Variants in TMEM64 observed in about 807,000 individuals in gnomAD.
TMEM64 encodes transmembrane protein 64.
A neutral mutation model predicts 24.5 loss-of-function variants in TMEM64; 19 were observed. That is an observed-to-expected ratio of 0.78 (90% CI 0.54 to 1.14). The LOEUF is 1.14. Ranked by LOEUF, TMEM64 falls within the 50% of genes most tolerant of loss-of-function variation. The pLI is 0.00. For synonymous variants in TMEM64, 262 were observed against 224.7 expected (o/e 1.17, Z -1.49); for missense variants, 487 against 493.0 (o/e 0.99, Z 0.12).
At chr8:90,636,429 T>C (rs1809519168) in intron 1 of TMEM64, among the ~76,000 whole-genome samples, 1 of 152,166 alleles carries the variant, frequency 6.6e-6, no homozygotes, top group East Asian at 1.9e-4. Flanking sequence ...CTAATTTTTG[T>C]ATTTTTAGTA....
chr8:90,630,916 C>G (rs951968043), intron 2 of TMEM64, among the ~76,000 whole-genome samples: 3 of 152,118 alleles, frequency 2.0e-5, no homozygotes, highest in Non-Finnish European at 4.4e-5. Flanking sequence ...AAGAAATTTG[C>G]CTATGTGGCA....
Position 90,625,346 on chromosome 8 carries a change from A to C in TMEM64, c.*325T>G, listed in dbSNP as rs1809340744. ...ATACAAACTACTCATGGGCTTTATA[A>C]ATAAAGACACTAAGCAGAAATAATA... On this transcript the variant is annotated 3_prime_UTR_variant, in exon 3 of 3. Coordinates refer to ENST00000458549, the MANE Select transcript of TMEM64 (RefSeq NM_001008495.4). 5.3e-6 allele frequency: 1 copy of C among 187,038 alleles called. No homozygotes were observed. Among genetic ancestry groups the C allele is most frequent in the Non-Finnish European group, 1.1e-5 (1 of 90,582 alleles). The allele number at this position is 187,038 out of a possible 1,614,324, so 11.6% of individuals were successfully genotyped here.
chr8:90,623,270 T>G lies in TMEM64; in HGVS notation c.*2401A>C, dbSNP rs866736306. ...AGTGGAGACATTTTATAAGTACATA[T>G]GACTGACAGCAATATTTGGACAACA... On this transcript the variant is annotated 3_prime_UTR_variant, in exon 3 of 3. Coordinates refer to ENST00000458549, the MANE Select transcript of TMEM64 (RefSeq NM_001008495.4). 1 of 152,180 alleles carries G rather than the reference T, an allele frequency of 6.6e-6. No individual in the cohort carries two copies. Among genetic ancestry groups the G allele is most frequent in the Admixed American group, 6.6e-5 (1 of 15,266 alleles). The allele number at this position is 152,180 out of a possible 1,614,324, so 9.4% of individuals were successfully genotyped here.
At chr8:90,633,027 G>A (rs752430390) in intron 1 of TMEM64, among the ~76,000 whole-genome samples, 3 of 152,108 alleles carry the variant, frequency 2.0e-5, no homozygotes, top group Non-Finnish European at 2.9e-5. Context: ...TAACCTCTGT[G>A]GTAGGCAACA....
chr8:90,633,789 T>C (rs1223456802), intron 1 of TMEM64, among the ~76,000 whole-genome samples: 2 of 152,216 alleles, frequency 1.3e-5, no homozygotes, highest in Non-Finnish European at 2.9e-5. Context: ...ACATATGTTT[T>C]TTATTCACAT....
Position 90,625,673 on chromosome 8 carries a change from A to G in TMEM64, c.1141T>C (p.Ter381ArgextTer2). 1 of 1,613,270 alleles carries G rather than the reference A, an allele frequency of 6.2e-7. No homozygotes were observed. The highest frequency in any genetic ancestry group is 8.5e-7 in the Non-Finnish European group (1 of 1,179,468). The change falls in exon 3 of 3, where the codon TGA becomes CGA. Residue 381 changes from the stop codon to arginine (R), a stop_lost. Coordinates refer to ENST00000458549, the MANE Select transcript of TMEM64 (RefSeq NM_001008495.4). ...GACAATCACGTATCTCATTAGAATC[A>G]TACAACATTGATTCCACCTCCAGAA... is the stretch of plus-strand genomic sequence containing the variant. ...TFSGGGINVV[*>R]
In TMEM64 at chr8:90,645,625, C is replaced by A; in HGVS notation, c.281G>T (p.Ser94Ile). ...GCCGACCACCACGCCGCCGCCGCCA[C>A]TCCCGGGGCCGCCCGCCAAGGCCCC... Reference protein sequence around the residue: ...PGGALAGGPGSGGGGVVVGVA... With the variant: ...PGGALAGGPGIGGGGVVVGVA... The change falls in exon 1 of 3, where the codon AGT (serine) becomes ATT (isoleucine). Residue 94 changes from serine (S) to isoleucine (I), a missense_variant. By Grantham distance (142) the Ser-to-Ile change is moderately radical. Around this residue, in one of 3 missense-constraint regions of TMEM64, gnomAD observed 419 missense variants for 407.5 expected, o/e 1.03. Transcript: ENST00000458549. The surrounding 1 kb of genome is among the most constrained non-coding windows in gnomAD (Gnocchi z 4.2). 3.9e-6 allele frequency: 6 copies of A among 1,534,486 alleles called. No homozygotes were observed. The highest frequency in any genetic ancestry group is 5.2e-6 in the Non-Finnish European group (6 of 1,145,084).
Position 90,645,498 on chromosome 8 carries a change from G to A in TMEM64, c.408C>T (p.Ser136=), listed in dbSNP as rs1437929192. 1 of 1,550,894 alleles carries A rather than the reference G, an allele frequency of 6.4e-7. No individual in the cohort carries two copies. The highest frequency in any genetic ancestry group is 8.7e-7 in the Non-Finnish European group (1 of 1,146,974). Residue 136 remains serine (S), a synonymous_variant, in exon 1 of 3, where the codon TCC becomes TCT. Transcript: ENST00000458549. The surrounding 1 kb of genome is among the most constrained non-coding windows in gnomAD (Gnocchi z 4.2). The part of the protein sequence containing the change: ...VCVLAALCFA[S]LALVRRYLHH... ...GAAGGTAGCGGCGGACCAGGGCCAG[G>A]GAAGCGAAGCACAGGGCGGCCAACA...
At chr8:90,636,982 C>T (rs534584345) in intron 1 of TMEM64, among the ~76,000 whole-genome samples, 1 of 152,128 alleles carries the variant, frequency 6.6e-6, no homozygotes, top group Admixed American at 6.5e-5. Context: ...ATTATATATC[C>T]TCTTATTCCC....
chr8:90,623,112 A>G lies in TMEM64; in HGVS notation c.*2559T>C, dbSNP rs957090102. On this transcript the variant is annotated 3_prime_UTR_variant, in exon 3 of 3. Transcript: ENST00000458549. The stretch of plus-strand genomic sequence containing the variant: ...ACATGTAAAACTTAAGAAAACTCCC[A>G]AAGAATTAAAAAAGAACACATATTT... 6 of 152,180 alleles carry G rather than the reference A, an allele frequency of 3.9e-5. No homozygotes were observed. The highest frequency in any genetic ancestry group is 1.2e-4 in the African/African-American group (5 of 41,448). The allele number at this position is 152,180 out of a possible 1,614,324, so 9.4% of individuals were successfully genotyped here. A position where few individuals can be genotyped will look rare whatever the true frequency, so the allele number is the denominator to read the frequency against.
chr8:90,645,826 A>C lies in TMEM64; in HGVS notation c.80T>G (p.Leu27Arg). Residue 27 changes from leucine to arginine, a missense_variant, in exon 1 of 3, where the codon CTG (leucine) becomes CGG (arginine). Leu to Arg is a moderately radical substitution (Grantham distance 102). Transcript: ENST00000458549. This position sits in a 1 kb window ranked among gnomAD's most constrained non-coding sequence, Gnocchi z 4.2. ...QHAALPGLAE[L>R]PARWALPRGA... ...CCGCGGCAGGGCCCAGCGGGCCGGC[A>C]GCTCGGCGAGGCCCGGGAGGGCGGC... 1 of 1,070,652 alleles carries C rather than the reference A, an allele frequency of 9.3e-7. No homozygotes were observed. The highest frequency in any genetic ancestry group is 1.1e-6 in the Non-Finnish European group (1 of 886,006). 66.3% of individuals were successfully genotyped at this position (1,070,652 alleles called of 1,614,324 possible). A position where few individuals can be genotyped will look rare whatever the true frequency, so the allele number is the denominator to read the frequency against.
In TMEM64 at chr8:90,623,393, G is replaced by A. The variant is rs1273792548; in HGVS notation, c.*2278C>T. 2 of 152,336 alleles carry A rather than the reference G, an allele frequency of 1.3e-5. No individual in the cohort carries two copies. The highest frequency in any genetic ancestry group is 2.9e-5 in the Non-Finnish European group (2 of 67,988). 9.4% of individuals were successfully genotyped at this position (152,336 alleles called of 1,614,324 possible). A position where few individuals can be genotyped will look rare whatever the true frequency, so the allele number is the denominator to read the frequency against. On this transcript the variant is annotated 3_prime_UTR_variant, in exon 3 of 3. Coordinates refer to ENST00000458549, the MANE Select transcript of TMEM64 (RefSeq NM_001008495.4). ...ATGACAATGCTTTGCACGATTTATT[G>A]TGAGTGCAACTTAAAAACCCAGCAA...
intron 1 of TMEM64, among the ~76,000 whole-genome samples, chr8:90,641,600 A>T (rs755072237): frequency 1.2e-4 from 19 of 152,208 alleles, no homozygotes; most frequent in Non-Finnish European, 2.5e-4. Flanking sequence ...GACCAACACT[A>T]GTGCCTGGAT....
Position 90,644,017 on chromosome 8 carries a change from A to G in TMEM64, c.795+1094T>C, listed in dbSNP as rs191040105. 1.2e-4 allele frequency among the ~76,000 whole-genome samples: 19 copies of G among 152,364 alleles called. 1 individual carries two copies. In the East Asian group the frequency reaches 3.7e-3, roughly 29 times the overall value. On this transcript the variant is annotated intron_variant, in intron 1 of 2. Transcript: ENST00000458549. ...TTCAAAACAAAATGAGAAAGTTTCC[A>G]GAAACTAACAATAATTTACGTTTTG...
At chr8:90,643,098 G>A (rs1170813537) in intron 1 of TMEM64, among the ~76,000 whole-genome samples, 2 of 152,068 alleles carry the variant, frequency 1.3e-5, no homozygotes, top group Non-Finnish European at 2.9e-5. Context: ...CTACCTTATT[G>A]TCAGTCGATA....
In TMEM64 at chr8:90,635,367, C is replaced by CATTTTATTTTATTTTATTTT. The variant is rs540790616; in HGVS notation, c.796-3680_796-3661dup. Among the ~76,000 whole-genome samples, 278 of 149,324 alleles carry CATTTTATTTTATTTTATTTT rather than the reference C, an allele frequency of 1.9e-3. 1 individual carries two copies. Among genetic ancestry groups the CATTTTATTTTATTTTATTTT allele is most frequent in the African/African-American group, 6.5e-3 (256 of 39,514 alleles). ...AACAAAAGATGAACAGCTTCCAAAT[C>CATTTTATTTTATTTTATTTT]ATTTTATTTTATTTTATTTTATTTT... On this transcript the variant is annotated intron_variant, in intron 1 of 2. Coordinates refer to ENST00000458549, the MANE Select transcript of TMEM64 (RefSeq NM_001008495.4).
chr8:90,643,414 T>C (rs937897949), intron 1 of TMEM64, among the ~76,000 whole-genome samples: 1 of 152,168 alleles, frequency 6.6e-6, no homozygotes, highest in Non-Finnish European at 1.5e-5. Flanking sequence ...CCAGAGAGAA[T>C]AAACAACTTG....
intron 2 of TMEM64, among the ~76,000 whole-genome samples, chr8:90,628,590 C>T (rs1809395101): frequency 6.6e-6 from 1 of 151,954 alleles, no homozygotes; most frequent in Non-Finnish European, 1.5e-5. Flanking sequence ...AGAATAGGGG[C>T]AAAGCAGATA....
At chr8:90,635,870 AACCTTT>A (rs1269183992) in intron 1 of TMEM64, among the ~76,000 whole-genome samples, 5 of 152,358 alleles carry the variant, frequency 3.3e-5, no homozygotes, top group African/African-American at 1.2e-4. Context: ...TTCTGGCCAC[AACCTTT>A]ACCTTTAAAT....
Sources: gnomAD v4.1 joint callset for allele counts (sites outside exome capture counted in the v4.1 genomes callset) on GRCh38, gnomAD v4.1.1 for gene constraint, gnomAD v4.1.1 regional missense constraint, Gnocchi (gnomAD v3.1) non-coding constraint, MANE v1.5 for transcripts, NCBI Gene and HGNC (gene_info 2026-07-23, HGNC 2026-07-21) for gene names.